The following SULT1B1 variants were observed in gnomAD, a reference collection of about 807,000 sequenced individuals.
SULT1B1 encodes sulfotransferase family 1B member 1, also known as sulfotransferase 1B1.
SULT1B1 carries 28 observed loss-of-function variants against 34.6 expected under a neutral mutation model. The observed-to-expected ratio is 0.81, with a 90% CI of 0.60 to 1.11. SULT1B1 has a LOEUF of 1.11. Among genes scored for constraint, SULT1B1 ranks in the 50% least tolerant of loss-of-function variants. The probability of loss-of-function intolerance (pLI) is 0.00; values close to 1 mark genes in which losing one functional copy is unlikely to be tolerated. For missense variants in SULT1B1, 374 were observed against 352.2 expected (o/e 1.06, Z -0.50); for synonymous variants, 147 against 110.2 (o/e 1.33, Z -2.09).
At chr4:69,760,027 C>T (rs1719333684) in intron 1 of SULT1B1, among the ~76,000 whole-genome samples, 1 of 152,164 alleles carries the variant, frequency 6.6e-6, no homozygotes, top group Non-Finnish European at 1.5e-5. Context: ...CTATCTGATA[C>T]ACATCAAATC....
intron 1 of SULT1B1, among the ~76,000 whole-genome samples, chr4:69,757,053 A>G (rs548774350): frequency 7.1e-4 from 108 of 152,274 alleles, no homozygotes; most frequent in Non-Finnish European, 1.2e-3. Context: ...AATTGGACAC[A>G]TAAAATTGGC....
At chr4:69,746,307 G>A (rs1237916614) in intron 4 of SULT1B1, among the ~76,000 whole-genome samples, 1 of 152,156 alleles carries the variant, frequency 6.6e-6, no homozygotes, top group East Asian at 1.9e-4. Context: ...TGTTTTCCAA[G>A]TTAATTGCCT....
At chr4:69,755,501 C>T (rs902087989) in intron 1 of SULT1B1, among the ~76,000 whole-genome samples, 2 of 152,146 alleles carry the variant, frequency 1.3e-5, no homozygotes, top group Non-Finnish European at 2.9e-5. Flanking sequence ...CTGCATATCT[C>T]TCTTTGAATT....
chr4:69,734,645 G>GA (rs990150685), intron 4 of SULT1B1, among the ~76,000 whole-genome samples: 2 of 151,722 alleles, frequency 1.3e-5, no homozygotes, highest in African/African-American at 2.4e-5. Flanking sequence ...AAAATTGTGG[G>GA]AAAAAAATAA....
At chr4:69,742,397 G>C (rs920181849) in intron 4 of SULT1B1, among the ~76,000 whole-genome samples, 5 of 152,156 alleles carry the variant, frequency 3.3e-5, no homozygotes, top group African/African-American at 1.2e-4. Flanking sequence ...TGAGTTGTGA[G>C]GAGTCCTTCT....
At chr4:69,727,268 A>G (rs1717876651) in intron 7 of SULT1B1, 68 bp from the exon 8 acceptor site, 1 of 1,230,638 alleles carries the variant, frequency 8.1e-7, no homozygotes. Flanking sequence ...GTATATACCA[A>G]AGGAAAAGAT....
intron 4 of SULT1B1, among the ~76,000 whole-genome samples, chr4:69,740,070 C>T (rs961776270): frequency 5.9e-5 from 9 of 152,168 alleles, no homozygotes; most frequent in African/African-American, 1.9e-4. Flanking sequence ...TAGGAAGTTC[C>T]AAACTTTCCC....
chr4:69,747,476 C>A (rs1197169085), intron 4 of SULT1B1, among the ~76,000 whole-genome samples: 1 of 152,182 alleles, frequency 6.6e-6, no homozygotes, highest in Non-Finnish European at 1.5e-5. Context: ...TAGAAGCCAG[C>A]ACAGAGAGGA....
intron 3 of SULT1B1, among the ~76,000 whole-genome samples, chr4:69,751,219 A>C (rs1718967377): frequency 6.6e-6 from 1 of 151,908 alleles, no homozygotes; most frequent in Non-Finnish European, 1.5e-5. Flanking sequence ...ATCCTCCACA[A>C]CTCGTTATTA....
intron 3 of SULT1B1, among the ~76,000 whole-genome samples, chr4:69,750,553 C>T (rs1232324088): frequency 2.0e-5 from 3 of 152,070 alleles, no homozygotes; most frequent in Non-Finnish European, 2.9e-5. Flanking sequence ...CATAATCTTG[C>T]CATCTCTGAA....
rs182666994 is a variant in SULT1B1, at chr4:69,738,993, C to T, written c.376-4729G>A. Among the ~76,000 whole-genome samples, 17 of 152,304 alleles carry T rather than the reference C, an allele frequency of 1.1e-4. No homozygotes were observed. In the East Asian group the frequency reaches 2.9e-3, roughly 26 times the overall value. On this transcript the variant is annotated intron_variant, in intron 4 of 7. Transcript: ENST00000310613. ...AATGATCTCCTTTGACTCCATGGCT[C>T]ACATCCAGATTAGGCTGATGTAAGA...
rs1046049732 is a variant in SULT1B1, at chr4:69,724,232, C to T, written c.*2856G>A. 4.6e-5 allele frequency: 7 copies of T among 152,116 alleles called. No individual in the cohort carries two copies. Among genetic ancestry groups the T allele is most frequent in the African/African-American group, 1.7e-4 (7 of 41,428 alleles). 9.4% of individuals were successfully genotyped at this position (152,116 alleles called of 1,614,324 possible). On this transcript the variant is annotated 3_prime_UTR_variant, in exon 8 of 8. Transcript: ENST00000310613. ...CACAAGCATTCTTATACACCAATAA[C>T]AGACAGAGAGCCAAATCAGGAGTGA...
rs572064457 is a variant in SULT1B1 at position 69,721,582 on chromosome 4, T to C, written c.*5506A>G. The C allele has an allele frequency of 2.6e-5, 4 of 152,200 alleles. No individual in the cohort carries two copies. Among genetic ancestry groups the C allele is most frequent in the South Asian group, 2.1e-4 (1 of 4,828 alleles). 9.4% of individuals were successfully genotyped at this position (152,200 alleles called of 1,614,324 possible). A position where few individuals can be genotyped will look rare whatever the true frequency, so the allele number is the denominator to read the frequency against. ...CCTTCAAAAGCCTCCAATGACGCAA[T>C]TTTTATCACACAGAACATAGGGTCA... On this transcript the variant is annotated 3_prime_UTR_variant, in exon 8 of 8. Transcript: ENST00000310613.
At chr4:69,749,021 CTA>C in intron 4 of SULT1B1, among the ~76,000 whole-genome samples, 1 of 151,906 alleles carries the variant, frequency 6.6e-6, no homozygotes, top group Middle Eastern at 3.4e-3. Flanking sequence ...AAGCAGAAAT[CTA>C]TGATACTAAA....
Position 69,738,178 on chromosome 4 carries a change from G to T in SULT1B1, c.376-3914C>A, listed in dbSNP as rs1041730236. Among the ~76,000 whole-genome samples, 7 of 152,328 alleles carry T rather than the reference G, an allele frequency of 4.6e-5. No homozygotes were observed. In the East Asian group the frequency reaches 1.3e-3, roughly 29 times the overall value. On this transcript the variant is annotated intron_variant, in intron 4 of 7. Transcript: ENST00000310613. Reference sequence around the variant, plus strand: ...GGCCTCCAGCTGCATCCATGTTGCTGCAGAAAACATGATTTCCTTTTCCTT... The same window carrying T: ...GGCCTCCAGCTGCATCCATGTTGCTTCAGAAAACATGATTTCCTTTTCCTT...
chr4:69,744,119 G>C (rs752694192), intron 4 of SULT1B1, among the ~76,000 whole-genome samples: 7 of 152,164 alleles, frequency 4.6e-5, no homozygotes, highest in Non-Finnish European at 8.8e-5. Context: ...CTCTGCCTTG[G>C]AACCCCTCTA....
At chr4:69,733,560 C>A in intron 5 of SULT1B1, 53 bp from the exon 6 acceptor site, 1 of 1,318,306 alleles carries the variant, frequency 7.6e-7, no homozygotes, top group Non-Finnish European at 1.0e-6. Flanking sequence ...TTAAATATTT[C>A]TGTCTGAATA....
chr4:69,752,947 T>C (rs935029686), intron 3 of SULT1B1, among the ~76,000 whole-genome samples: 1 of 152,196 alleles, frequency 6.6e-6, no homozygotes, highest in African/African-American at 2.4e-5. Context: ...CAGTTTCCTT[T>C]GCTAGCTTCT....
chr4:69,731,505 G>T (rs1401633666), intron 6 of SULT1B1, among the ~76,000 whole-genome samples: 1 of 152,180 alleles, frequency 6.6e-6, no homozygotes, highest in Non-Finnish European at 1.5e-5. Context: ...CCTGGCTCTG[G>T]CTGAATCTTC....
Sources: gnomAD v4.1 joint callset for allele counts (sites outside exome capture counted in the v4.1 genomes callset) on GRCh38, gnomAD v4.1.1 for gene constraint, MANE v1.5 for transcripts, NCBI Gene and HGNC (gene_info 2026-07-23, HGNC 2026-07-21) for gene names.